The following ODAPH variants were observed in gnomAD, a reference collection of about 807,000 sequenced individuals.
ODAPH encodes odontogenesis associated phosphoprotein.
ODAPH carries 2 observed loss-of-function variants against 2.8 expected under a neutral mutation model. That is an observed-to-expected ratio of 0.72 (90% CI 0.30 to 2.28). ODAPH has a LOEUF of 2.28. Among genes scored for constraint, ODAPH ranks in the 30% most tolerant of loss-of-function variants. The probability of loss-of-function intolerance (pLI) is 0.13; values close to 1 mark genes in which losing one functional copy is unlikely to be tolerated. For missense variants in ODAPH, 159 were observed against 163.3 expected, an observed-to-expected ratio of 0.97 and a Z score of 0.14; for synonymous variants, 75 against 60.3, an observed-to-expected ratio of 1.24 and a Z score of -1.13.
chr4:75,563,005 CTTTTTTTTTTTTTTTTTTTTT>C (rs542417085), intron 1 of ODAPH, among the ~76,000 whole-genome samples: 1 of 59,536 alleles, frequency 1.7e-5, no homozygotes, highest in East Asian at 5.8e-4. Context: ...ATCCACACAT[CTTTTTTTTTTTTTTTTTTTTT>C]TTTTTTTTTT....
Position 75,564,631 on chromosome 4 carries a change from T to C in ODAPH, c.*192T>C. On this transcript the variant is annotated 3_prime_UTR_variant, in exon 2 of 2. Transcript: ENST00000311623. ...ATATTGGATCATAGGTTATTGATGG[T>C]TGCAAAATTGGACAATAACCACGTT... is the stretch of plus-strand genomic sequence containing the variant. 1 of 1,236,786 alleles carries C rather than the reference T, an allele frequency of 8.1e-7. No homozygotes were observed. The highest frequency in any genetic ancestry group is 2.5e-5 in the East Asian group (1 of 39,428). 76.6% of individuals were successfully genotyped at this position (1,236,786 alleles called of 1,614,324 possible).
intron 1 of ODAPH, among the ~76,000 whole-genome samples, chr4:75,562,209 G>A (rs2148844181): frequency 6.6e-6 from 1 of 152,196 alleles, no homozygotes; most frequent in East Asian, 1.9e-4. Flanking sequence ...TATGTATGAG[G>A]GACTGTGGAC....
intron 1 of ODAPH, among the ~76,000 whole-genome samples, chr4:75,561,794 C>T (rs1036160652): frequency 6.6e-5 from 10 of 151,952 alleles, no homozygotes; most frequent in African/African-American, 2.4e-4. Context: ...CTGCAGTGAG[C>T]CGAGATCTCA....
rs759373305 is a variant in ODAPH at position 75,564,552 on chromosome 4, TTAAG to T, written c.*116_*119del. On this transcript the variant is annotated 3_prime_UTR_variant, in exon 2 of 2. Transcript: ENST00000311623. ...AAACTAAAACTATTGGATTTGAAGA[TTAAG>T]TATCCTAAACATCACTGACTAGAAA... The T allele has an allele frequency of 1.9e-6, 3 of 1,585,984 alleles. No homozygotes were observed. Among genetic ancestry groups the T allele is most frequent in the Non-Finnish European group, 2.6e-6 (3 of 1,168,780 alleles).
At chr4:75,557,339 T>C (rs1460015891) in intron 1 of ODAPH, among the ~76,000 whole-genome samples, 1 of 152,136 alleles carries the variant, frequency 6.6e-6, no homozygotes, top group African/African-American at 2.4e-5. Context: ...TTTATTCACA[T>C]CTTAAAAACA....
intron 1 of ODAPH, 133 bp downstream of exon 1, chr4:75,556,282 T>A: frequency 1.0e-6 from 1 of 960,572 alleles, no homozygotes; most frequent in Non-Finnish European, 1.6e-6. Context: ...CCTGTGTGGT[T>A]AAAGAGAAGG....
At chr4:75,565,541 C>A (rs560797070), downstream of ODAPH, 2 of 152,258 alleles carry the variant, frequency 1.3e-5, no homozygotes, top group South Asian at 2.1e-4. Context: ...ACTCTTGGAA[C>A]CTTGTATTCT....
At chr4:75,562,940 A>G (rs1242174031) in intron 1 of ODAPH, among the ~76,000 whole-genome samples, 1 of 148,198 alleles carries the variant, frequency 6.7e-6, no homozygotes, top group Non-Finnish European at 1.5e-5. Flanking sequence ...ACATTAATTA[A>G]GTTCTTTTTT....
Position 75,561,223 on chromosome 4 carries a change from C to CAAAAAACAAAAAAA in ODAPH, c.68-2885_68-2884insCAAAAAAAAAAAAA, listed in dbSNP as rs760206306. Among the ~76,000 whole-genome samples, 122 of 62,676 alleles carry CAAAAAACAAAAAAA rather than the reference C, an allele frequency of 1.9e-3. 1 individual carries two copies. Among genetic ancestry groups the CAAAAAACAAAAAAA allele is most frequent in the African/African-American group, 6.9e-3 (113 of 16,336 alleles). 41.1% of individuals were successfully genotyped at this position (62,676 alleles called of 152,430 possible). A position where few individuals can be genotyped will look rare whatever the true frequency, so the allele number is the denominator to read the frequency against. ...TGGGCAACAGAGCGAAACTCAATCTCAAAAAAAAAAAAAAAAAAAAACGAG... is the reference window on the plus strand; with the variant it reads ...TGGGCAACAGAGCGAAACTCAATCTCAAAAAACAAAAAAAAAAAAAAAAAAAAAAAAAAAACGAG... On this transcript the variant is annotated intron_variant, in intron 1 of 1. Coordinates refer to ENST00000311623, the MANE Select transcript of ODAPH (RefSeq NM_178497.5).
intron 1 of ODAPH, among the ~76,000 whole-genome samples, chr4:75,561,149 G>A (rs1422123975): frequency 6.6e-6 from 1 of 150,774 alleles, no homozygotes; most frequent in African/African-American, 2.4e-5. Context: ...GCGTGAACCC[G>A]GGAGGCGGAG....
At chr4:75,558,078 A>G (rs1275141087) in intron 1 of ODAPH, among the ~76,000 whole-genome samples, 3 of 152,208 alleles carry the variant, frequency 2.0e-5, no homozygotes, top group Admixed American at 6.5e-5. Flanking sequence ...CCCTGGCTTC[A>G]TAGCATCTGC....
intron 1 of ODAPH, among the ~76,000 whole-genome samples, chr4:75,557,065 C>A (rs1578291757): frequency 1.3e-5 from 2 of 152,186 alleles, no homozygotes; most frequent in East Asian, 3.9e-4. Flanking sequence ...GACATAAGAG[C>A]TGGTTGTGGA....
intron 1 of ODAPH, among the ~76,000 whole-genome samples, chr4:75,556,383 T>A (rs1315621979): frequency 1.3e-5 from 2 of 152,206 alleles, no homozygotes; most frequent in African/African-American, 4.8e-5. Context: ...AGTATCAGAT[T>A]CCTCATATGT....
chr4:75,561,070 A>C (rs1024083064), intron 1 of ODAPH, among the ~76,000 whole-genome samples: 1 of 151,974 alleles, frequency 6.6e-6, no homozygotes, highest in Admixed American at 6.6e-5. Flanking sequence ...ATTTTAAAAA[A>C]AGAATTAGCC....
At chr4:75,562,237 G>C (rs17000661) in intron 1 of ODAPH, among the ~76,000 whole-genome samples, 4,266 of 152,122 alleles carry the variant, frequency 0.028, 73 homozygotes, top group Non-Finnish European at 0.043. Context: ...AGTAACAAGC[G>C]TATCCAATAC....
chr4:75,562,155 G>A (rs1727605010), intron 1 of ODAPH, among the ~76,000 whole-genome samples: 1 of 152,150 alleles, frequency 6.6e-6, no homozygotes, highest in African/African-American at 2.4e-5. Flanking sequence ...AGGTGCGTAG[G>A]ACTGACAACT....
intron 1 of ODAPH, among the ~76,000 whole-genome samples, chr4:75,560,199 G>A (rs1251235828): frequency 6.6e-6 from 1 of 152,148 alleles, no homozygotes; most frequent in Non-Finnish European, 1.5e-5. Context: ...TAAAGAGAGA[G>A]GAGTAGGAAC....
At chr4:75,560,415 G>A (rs887388446) in intron 1 of ODAPH, among the ~76,000 whole-genome samples, 2 of 152,212 alleles carry the variant, frequency 1.3e-5, no homozygotes, top group African/African-American at 4.8e-5. Flanking sequence ...AGCAGTGTTA[G>A]ATCAGCTGAA....
chr4:75,558,781 C>T (rs1375873980), intron 1 of ODAPH, among the ~76,000 whole-genome samples: 1 of 152,114 alleles, frequency 6.6e-6, no homozygotes, highest in Non-Finnish European at 1.5e-5. Flanking sequence ...CTGCAACCTC[C>T]GCCTCCTGGG....
Sources: allele counts gnomAD v4.1 joint callset (sites outside exome capture counted in the v4.1 genomes callset), GRCh38; gene constraint gnomAD v4.1.1; transcripts MANE v1.5; gene names NCBI Gene and HGNC (gene_info 2026-07-23, HGNC 2026-07-21).